Variants in CPA6 observed in about 807,000 individuals in gnomAD.
CPA6 encodes carboxypeptidase B.
A neutral mutation model predicts 63.3 loss-of-function variants in CPA6; 58 were observed. That is an observed-to-expected ratio of 0.92 (90% CI 0.74 to 1.14). The LOEUF (loss-of-function observed/expected upper bound fraction) is 1.14. CPA6 is among the 50% of genes most tolerant of loss of function. CPA6 has a pLI of 0.00. For synonymous variants in CPA6, 185 were observed against 179.0 expected (o/e 1.03, Z -0.27); for missense variants, 565 against 526.6 (o/e 1.07, Z -0.71).
At chr8:67,585,817 A>G (rs1335550183) in intron 2 of CPA6, among the ~76,000 whole-genome samples, 4 of 152,138 alleles carry the variant, frequency 2.6e-5, no homozygotes, top group African/African-American at 4.8e-5. Flanking sequence ...GAGGAGAGTG[A>G]GGCCATAGTC....
chr8:67,594,704 T>C (rs1222453318), intron 2 of CPA6, among the ~76,000 whole-genome samples: 1 of 152,234 alleles, frequency 6.6e-6, no homozygotes, highest in African/African-American at 2.4e-5. Context: ...CTTCATGTAG[T>C]TCTCGAGCCT....
chr8:67,742,344 G>C (rs11994459), intron 1 of CPA6, among the ~76,000 whole-genome samples: 7,199 of 152,086 alleles, frequency 0.047, 388 homozygotes, highest in African/African-American at 0.13. Context: ...CCAAACAAGA[G>C]TAAATCTTCC....
intron 9 of CPA6, chr8:67,429,644 A>G (rs1320928823): frequency 6.6e-6 from 1 of 152,188 alleles, no homozygotes; most frequent in African/African-American, 2.4e-5. Flanking sequence ...TAAACACCAC[A>G]ATTAAATACC....
chr8:67,534,790 C>G (rs1235451143), intron 2 of CPA6, among the ~76,000 whole-genome samples: 1 of 152,032 alleles, frequency 6.6e-6, no homozygotes, highest in Non-Finnish European at 1.5e-5. Context: ...CATAGGTATA[C>G]ACGTGCCATG....
chr8:67,455,526 T>C (rs1430268265), intron 8 of CPA6, among the ~76,000 whole-genome samples: 1 of 151,952 alleles, frequency 6.6e-6, no homozygotes, highest in Admixed American at 6.6e-5. Flanking sequence ...ACCACAGGAC[T>C]ATGCTTTCAT....
At chr8:67,648,927 TG>T (rs1815774821) in intron 1 of CPA6, among the ~76,000 whole-genome samples, 2 of 152,138 alleles carry the variant, frequency 1.3e-5, no homozygotes, top group South Asian at 4.1e-4. Context: ...TTCCTCGGTT[TG>T]GGGATTTTCT....
chr8:67,578,571 C>G (rs1273689351), intron 2 of CPA6, among the ~76,000 whole-genome samples: 1 of 152,130 alleles, frequency 6.6e-6, no homozygotes, highest in Non-Finnish European at 1.5e-5. Context: ...GATGGACTAG[C>G]CACCCTGTCT....
At chr8:67,639,405 T>C (rs1393365505) in intron 1 of CPA6, among the ~76,000 whole-genome samples, 2 of 151,492 alleles carry the variant, frequency 1.3e-5, no homozygotes, top group African/African-American at 2.4e-5. Context: ...ACAAGGGGTA[T>C]GTGAATGAAT....
At chr8:67,575,327 T>C (rs1813594701) in intron 2 of CPA6, among the ~76,000 whole-genome samples, 1 of 152,186 alleles carries the variant, frequency 6.6e-6, no homozygotes, top group Non-Finnish European at 1.5e-5. Flanking sequence ...AACTGTATGG[T>C]GCTTCCTTTA....
chr8:67,529,574 T>C (rs1812434350), intron 2 of CPA6, among the ~76,000 whole-genome samples: 1 of 152,120 alleles, frequency 6.6e-6, no homozygotes, highest in South Asian at 2.1e-4. Flanking sequence ...TCTGGAGAAA[T>C]TAAAACAGAG....
intron 8 of CPA6, chr8:67,452,652 G>A (rs1215390147): frequency 6.6e-6 from 1 of 152,208 alleles, no homozygotes; most frequent in Non-Finnish European, 1.5e-5. Context: ...AGTGGTGGTG[G>A]CGAGACAATA....
At chr8:67,551,026 G>A (rs1355324938) in intron 2 of CPA6, among the ~76,000 whole-genome samples, 2 of 152,026 alleles carry the variant, frequency 1.3e-5, no homozygotes, top group Non-Finnish European at 2.9e-5. Flanking sequence ...CTGTGCAGGA[G>A]CTCTTTATTT....
At chr8:67,675,613 C>A (rs1445087426) in intron 1 of CPA6, among the ~76,000 whole-genome samples, 2 of 152,104 alleles carry the variant, frequency 1.3e-5, no homozygotes, top group African/African-American at 4.8e-5. Context: ...TAGGCATTTG[C>A]CTTTTAAAAC....
intron 8 of CPA6, among the ~76,000 whole-genome samples, chr8:67,482,610 G>A (rs183973477): frequency 3.5e-4 from 54 of 152,324 alleles, no homozygotes; most frequent in African/African-American, 1.3e-3. Context: ...TGAACTGACT[G>A]TTCTGGGGGT....
intron 8 of CPA6, among the ~76,000 whole-genome samples, chr8:67,437,522 A>G (rs371821530): frequency 1.2e-4 from 19 of 152,348 alleles, no homozygotes; most frequent in African/African-American, 4.3e-4. Context: ...CAAACTAAAC[A>G]ACTAATTCTG....
chr8:67,502,600 T>A (rs375409539), intron 6 of CPA6, among the ~76,000 whole-genome samples: 1 of 152,254 alleles, frequency 6.6e-6, no homozygotes, highest in South Asian at 2.1e-4. Context: ...TCGTCTTTTC[T>A]AACATATACC....
intron 2 of CPA6, among the ~76,000 whole-genome samples, chr8:67,560,112 A>T (rs1813169800): frequency 6.7e-6 from 1 of 150,154 alleles, no homozygotes. Flanking sequence ...TTGTTAGAGC[A>T]GCCCCAGTGG....
chr8:67,724,143 C>T (rs1279768772), intron 1 of CPA6, among the ~76,000 whole-genome samples: 1 of 152,166 alleles, frequency 6.6e-6, no homozygotes, highest in African/African-American at 2.4e-5. Context: ...CTCTGACACA[C>T]TACTTCTGAA....
rs533833524 is a variant in CPA6 at position 67,576,398 on chromosome 8, AT to A, written c.192+47777del. 5.9e-5 allele frequency among the ~76,000 whole-genome samples: 9 copies of A among 152,340 alleles called. No individual in the cohort carries two copies. In the East Asian group the frequency reaches 1.7e-3, roughly 29 times the overall value. On this transcript the variant is annotated intron_variant, in intron 2 of 10. Coordinates refer to ENST00000297770, the MANE Select transcript of CPA6 (RefSeq NM_020361.5). ...CAAGATGTGCTAGCTGCACACTAAG[AT>A]TTGATTTGATACATTGGGATGTGTA...
Sources: allele counts gnomAD v4.1 joint callset (sites outside exome capture counted in the v4.1 genomes callset), GRCh38; gene constraint gnomAD v4.1.1; transcripts MANE v1.5; gene names NCBI Gene and HGNC (gene_info 2026-07-23, HGNC 2026-07-21).